The following TSGA10 variants were observed in gnomAD, a reference collection of about 807,000 sequenced individuals.
TSGA10 encodes the protein testis-specific gene 10 protein.
In TSGA10, 43 loss-of-function variants were observed where a neutral mutation model predicts 96.6. That is an observed-to-expected ratio of 0.44 (90% CI 0.35 to 0.57). The LOEUF is 0.57. TSGA10 is among the 20% of genes least tolerant of loss of function. TSGA10 has a pLI of 0.01. For missense variants in TSGA10, 703 were observed against 834.4 expected, an observed-to-expected ratio of 0.84 and a Z score of 1.94; for synonymous variants, 229 against 269.9, an observed-to-expected ratio of 0.85 and a Z score of 1.48.
At chr2:99,135,135 C>T (rs902790655) in intron 1 of TSGA10, among the ~76,000 whole-genome samples, 6 of 152,176 alleles carry the variant, frequency 3.9e-5, no homozygotes, top group African/African-American at 1.2e-4. Context: ...CTGCTCTCTT[C>T]GGAGCCAGCA....
chr2:99,055,351 T>C (rs1270991088), intron 16 of TSGA10, among the ~76,000 whole-genome samples: 2 of 151,966 alleles, frequency 1.3e-5, no homozygotes, highest in East Asian at 1.9e-4. Flanking sequence ...CTGGAGCTGA[T>C]AGGGCAGGGT....
intron 16 of TSGA10, among the ~76,000 whole-genome samples, chr2:99,040,787 C>T (rs1180611083): frequency 6.6e-6 from 1 of 151,536 alleles, no homozygotes; most frequent in Non-Finnish European, 1.5e-5. Flanking sequence ...TCCTAAAATT[C>T]GTATATGACT....
At chr2:99,038,103 T>G (rs1016719198) in intron 16 of TSGA10, among the ~76,000 whole-genome samples, 10 of 151,974 alleles carry the variant, frequency 6.6e-5, no homozygotes, top group Non-Finnish European at 1.3e-4. Flanking sequence ...AGACAAATGC[T>G]GAGAGAAGTT....
chr2:99,002,530 C>G (rs1264579065), intron 20 of TSGA10, among the ~76,000 whole-genome samples: 2 of 152,224 alleles, frequency 1.3e-5, no homozygotes, highest in African/African-American at 4.8e-5. Context: ...ACTGCAAAAA[C>G]ATGCCAAATT....
At chr2:99,110,505 GTATT>G (rs769022231) in intron 5 of TSGA10, among the ~76,000 whole-genome samples, 15 of 152,132 alleles carry the variant, frequency 9.9e-5, no homozygotes, top group Non-Finnish European at 1.5e-4. Flanking sequence ...TGGCTTAAAA[GTATT>G]TACTATTAAG....
intron 10 of TSGA10, among the ~76,000 whole-genome samples, chr2:99,095,358 G>A (rs1193679643): frequency 6.6e-6 from 1 of 152,026 alleles, no homozygotes; most frequent in African/African-American, 2.4e-5. Context: ...ATGTACTCAT[G>A]TAACCAAACA....
At position 99,109,033 on chromosome 2, in the gene TSGA10, G is replaced by A. The variant is rs2091593234; in HGVS notation, c.52-42C>T. On this transcript the variant is annotated intron_variant, in intron 6 of 20. Coordinates refer to ENST00000393483, the MANE Select transcript of TSGA10 (RefSeq NM_025244.4). ...AATTTGAAATCTTCTTTGATATATA[G>A]TACTGATAGAAAGGTGCTACTGATG... 5 of 1,412,420 alleles carry A rather than the reference G, an allele frequency of 3.5e-6. No individual in the cohort carries two copies. In the Admixed American group the frequency reaches 7.6e-5, roughly 22 times the overall value. The allele number at this position is 1,412,420 out of a possible 1,614,324, so 87.5% of individuals were successfully genotyped here. A position where few individuals can be genotyped will look rare whatever the true frequency, so the allele number is the denominator to read the frequency against.
chr2:99,105,473 A>G, intron 8 of TSGA10, 37 bp from the exon 9 acceptor site: 2 of 1,613,890 alleles, frequency 1.2e-6, no homozygotes, highest in South Asian at 2.2e-5. Flanking sequence ...AGTGATTTCA[A>G]TATCCCTGAA....
intron 12 of TSGA10, among the ~76,000 whole-genome samples, chr2:99,074,002 T>TC (rs1239492805): frequency 2.1e-5 from 2 of 97,496 alleles, no homozygotes; most frequent in African/African-American, 1.1e-4. Flanking sequence ...TTTCTTTTCT[T>TC]TTTTTTTTTT....
intron 1 of TSGA10, chr2:99,147,340 GTTCT>G (rs2093642727): frequency 7.5e-6 from 7 of 930,496 alleles, no homozygotes; most frequent in Non-Finnish European, 1.2e-5. Context: ...AAGCCACTTT[GTTCT>G]TTTTCTCCAG....
At position 99,136,718 on chromosome 2, in the gene TSGA10, G is replaced by A. The variant is rs1452121159; in HGVS notation, c.-620-9542C>T. On this transcript the variant is annotated intron_variant, in intron 1 of 20. Coordinates refer to ENST00000393483, the MANE Select transcript of TSGA10 (RefSeq NM_025244.4). ...GGAGGCTGAGGCAGGAGAATGGCGT[G>A]AACCCGGGAGGCGGAGCTTGCAGTG... 3.5e-5 allele frequency among the ~76,000 whole-genome samples: 2 copies of A among 56,406 alleles called. 1 individual carries two copies. Among genetic ancestry groups the A allele is most frequent in the Non-Finnish European group, 8.3e-5 (2 of 24,016 alleles). The allele number at this position is 56,406 out of a possible 152,430, so 37.0% of individuals were successfully genotyped here.
chr2:99,064,848 G>A, intron 16 of TSGA10, 91 bp downstream of exon 16: 1 of 1,087,096 alleles, frequency 9.2e-7, no homozygotes, highest in Non-Finnish European at 1.3e-6. Context: ...TAATTTACGT[G>A]TTTGTTCATA....
chr2:98,998,895 T>C (rs541622447), intron 20 of TSGA10, among the ~76,000 whole-genome samples: 1 of 152,262 alleles, frequency 6.6e-6, no homozygotes, highest in South Asian at 2.1e-4. Context: ...CTATTTTTAT[T>C]TTTTAATTAC....
chr2:99,131,567 C>CA (rs761622775), intron 1 of TSGA10, among the ~76,000 whole-genome samples: 14 of 152,158 alleles, frequency 9.2e-5, no homozygotes, highest in Non-Finnish European at 1.6e-4. Flanking sequence ...CATCTGCAAA[C>CA]AGAGACAATT....
intron 12 of TSGA10, 123 bp downstream of exon 12, chr2:99,078,536 C>G: frequency 9.6e-7 from 1 of 1,039,672 alleles, no homozygotes; most frequent in Non-Finnish European, 1.3e-6. Flanking sequence ...GAAGTTCCAG[C>G]TTCTAGAAAA....
intron 16 of TSGA10, among the ~76,000 whole-genome samples, chr2:99,064,119 A>G (rs1402831337): frequency 6.6e-6 from 1 of 152,210 alleles, no homozygotes; most frequent in African/African-American, 2.4e-5. Flanking sequence ...CATATCTTGG[A>G]TCTACTCCAG....
chr2:99,147,531 G>A (rs774337551), intron 1 of TSGA10: 28 of 1,587,658 alleles, frequency 1.8e-5, no homozygotes, highest in African/African-American at 2.7e-5. Flanking sequence ...TATTATACTT[G>A]GTTCCTCCTC....
chr2:99,026,788 G>A (rs1277574706), intron 17 of TSGA10, among the ~76,000 whole-genome samples: 1 of 152,176 alleles, frequency 6.6e-6, no homozygotes, highest in African/African-American at 2.4e-5. Flanking sequence ...GTAAAGTAAG[G>A]CCATAAATGG....
intron 16 of TSGA10, among the ~76,000 whole-genome samples, chr2:99,056,971 C>T (rs1558870962): frequency 6.6e-6 from 1 of 151,794 alleles, no homozygotes; most frequent in Non-Finnish European, 1.5e-5. Context: ...TAAAGAAAAA[C>T]TACATGATAA....
Sources: gnomAD v4.1 joint callset for allele counts (sites outside exome capture counted in the v4.1 genomes callset) on GRCh38, gnomAD v4.1.1 for gene constraint, MANE v1.5 for transcripts, NCBI Gene and HGNC (gene_info 2026-07-23, HGNC 2026-07-21) for gene names.